Variants in AKIRIN1 observed in about 807,000 individuals in gnomAD.
AKIRIN1 encodes akirin 1.
AKIRIN1 carries 4 observed loss-of-function variants against 25.9 expected under a neutral mutation model. That is an observed-to-expected ratio of 0.15 (90% CI 0.08 to 0.35). AKIRIN1 has a LOEUF of 0.35. Ranked by LOEUF, AKIRIN1 falls within the 10% of genes least tolerant of loss-of-function variation. The pLI is 1.00. For missense variants in AKIRIN1, 243 were observed against 266.1 expected (o/e 0.91, Z 0.61); for synonymous variants, 125 against 105.1 (o/e 1.19, Z -1.16).
chr1:39,003,975 A>G, intron 4 of AKIRIN1, 70 bp from the exon 5 acceptor site: 1 of 1,413,926 alleles, frequency 7.1e-7, no homozygotes, highest in Non-Finnish European at 9.9e-7. Flanking sequence ...CTGTTAGTGA[A>G]AATTTTTAAA....
At position 39,004,129 on chromosome 1, in the gene AKIRIN1, A is replaced by G. The variant is rs767272913; in HGVS notation, c.*74A>G. 6.7e-7 allele frequency: 1 copy of G among 1,501,558 alleles called. No individual in the cohort carries two copies. The highest frequency in any genetic ancestry group is 9.3e-7 in the Non-Finnish European group (1 of 1,077,714). The allele number at this position is 1,501,558 out of a possible 1,614,324, so 93.0% of individuals were successfully genotyped here. A position where few individuals can be genotyped will look rare whatever the true frequency, so the allele number is the denominator to read the frequency against. On this transcript the variant is annotated 3_prime_UTR_variant, in exon 5 of 5. Coordinates refer to ENST00000432648, the MANE Select transcript of AKIRIN1 (RefSeq NM_024595.3). ...CTGTACACTTTTTGCAACTGGTTTG[A>G]TGTCACATTTCAGCTCCAACTTTGC... is the stretch of plus-strand genomic sequence containing the variant.
intron 1 of AKIRIN1, among the ~76,000 whole-genome samples, chr1:38,997,449 C>T (rs1434836937): frequency 6.6e-6 from 1 of 152,198 alleles, no homozygotes; most frequent in African/African-American, 2.4e-5. Flanking sequence ...GGTCGATGTC[C>T]ACACTGTAAA....
rs994185484 is a variant in AKIRIN1, at chr1:39,005,758, C to T, written c.*1703C>T. 2.0e-5 allele frequency: 3 copies of T among 152,106 alleles called. No homozygotes were observed. The highest frequency in any genetic ancestry group is 4.4e-5 in the Non-Finnish European group (3 of 68,014). The allele number at this position is 152,106 out of a possible 1,614,324, so 9.4% of individuals were successfully genotyped here. A position where few individuals can be genotyped will look rare whatever the true frequency, so the allele number is the denominator to read the frequency against. ...GAGAAATTTCTGGAATATTCACATTCGAAGATTCCTTATTAATGAATGTCT... is the reference window on the plus strand; with the variant it reads ...GAGAAATTTCTGGAATATTCACATTTGAAGATTCCTTATTAATGAATGTCT... On this transcript the variant is annotated 3_prime_UTR_variant, in exon 5 of 5. Coordinates refer to ENST00000432648, the MANE Select transcript of AKIRIN1 (RefSeq NM_024595.3).
intron 2 of AKIRIN1, among the ~76,000 whole-genome samples, chr1:38,998,626 G>A (rs919195478): frequency 7.2e-5 from 11 of 152,016 alleles, no homozygotes; most frequent in Admixed American, 6.6e-4. Flanking sequence ...AATTTTGGCC[G>A]GCTGAGGTGG....
At chr1:38,991,673 TTG>T in intron 1 of AKIRIN1, 73 bp downstream of exon 1, 1 of 269,416 alleles carries the variant, frequency 3.7e-6, no homozygotes, top group Non-Finnish European at 6.1e-6. Flanking sequence ...TGGGGGAGGG[TTG>T]GGAATACCAG....
rs72660031 is a variant in AKIRIN1, at chr1:38,997,289, C to T, written c.221-882C>T. On this transcript the variant is annotated intron_variant, in intron 1 of 4. Coordinates refer to ENST00000432648, the MANE Select transcript of AKIRIN1 (RefSeq NM_024595.3). The stretch of plus-strand genomic sequence containing the variant: ...TCAAGGTGGTTAGTAATTTGTGTTT[C>T]CTGGGCTCCCTTTAATAGTGTTAGC... 7.9e-5 allele frequency among the ~76,000 whole-genome samples: 12 copies of T among 152,152 alleles called. No homozygotes were observed. The Middle Eastern group carries it at 0.01, about 129-fold the overall frequency.
chr1:39,000,902 C>T, intron 2 of AKIRIN1, 70 bp from the exon 3 acceptor site: 4 of 1,495,958 alleles, frequency 2.7e-6, no homozygotes, highest in Non-Finnish European at 1.8e-6. Flanking sequence ...CTGCCTTGGC[C>T]TCCCAAAGTG....
chr1:38,998,353 T>C (rs1443526016), intron 2 of AKIRIN1, 42 bp downstream of exon 2: 4 of 1,557,906 alleles, frequency 2.6e-6, no homozygotes, highest in Non-Finnish European at 3.5e-6. Context: ...TAAGAGTTTG[T>C]AAATGGTACT....
At chr1:39,003,169 G>C (rs1487651342) in intron 3 of AKIRIN1, among the ~76,000 whole-genome samples, 178 bp from the exon 4 acceptor site, 1 of 152,182 alleles carries the variant, frequency 6.6e-6, no homozygotes, top group Non-Finnish European at 1.5e-5. Context: ...TGGGTTCTAA[G>C]AGGAACAGAT....
rs1199073081 is a variant in AKIRIN1, at chr1:39,003,336, T to C, written c.497-11T>C. The C allele has an allele frequency of 6.2e-6, 10 of 1,613,212 alleles. No individual in the cohort carries two copies. Among genetic ancestry groups the C allele is most frequent in the Non-Finnish European group, 7.6e-6 (9 of 1,179,522 alleles). On this transcript the variant is annotated splice_polypyrimidine_tract_variant and intron_variant, in intron 3 of 4. Coordinates refer to ENST00000432648, the MANE Select transcript of AKIRIN1 (RefSeq NM_024595.3). ...AGTTGCTGAGGATAAGTATGTACTG[T>C]CTTCTCACAGAACAATATGAATCTT...
chr1:38,998,009 C>G (rs535305473), intron 1 of AKIRIN1, among the ~76,000 whole-genome samples, 162 bp from the exon 2 acceptor site: 5 of 152,070 alleles, frequency 3.3e-5, no homozygotes, highest in Admixed American at 6.6e-5. Flanking sequence ...ACGGTATAAA[C>G]GTTTTGCTTG....
rs1347770852 is a variant in AKIRIN1, at chr1:39,004,152, T to C, written c.*97T>C. The C allele has an allele frequency of 1.9e-5, 26 of 1,357,148 alleles. No individual in the cohort carries two copies. Among genetic ancestry groups the C allele is most frequent in the Non-Finnish European group, 2.6e-5 (25 of 946,486 alleles). The allele number at this position is 1,357,148 out of a possible 1,614,324, so 84.1% of individuals were successfully genotyped here. On this transcript the variant is annotated 3_prime_UTR_variant, in exon 5 of 5. Coordinates refer to ENST00000432648, the MANE Select transcript of AKIRIN1 (RefSeq NM_024595.3). ...TGATGTCACATTTCAGCTCCAACTT[T>C]GCATCCTGAGAACACTTAAACGTTT...
chr1:38,998,099 T>A, intron 1 of AKIRIN1, 72 bp from the exon 2 acceptor site: 1 of 1,496,294 alleles, frequency 6.7e-7, no homozygotes, highest in Non-Finnish European at 9.0e-7. Flanking sequence ...CTTTGTCTCT[T>A]CCCACTTCTG....
At chr1:39,000,569 C>T (rs1039933317) in intron 2 of AKIRIN1, among the ~76,000 whole-genome samples, 18 of 151,466 alleles carry the variant, frequency 1.2e-4, no homozygotes, top group African/African-American at 4.1e-4. Flanking sequence ...AGGCTGGTCC[C>T]GAACTCCCAA....
At position 38,991,540 on chromosome 1, in the gene AKIRIN1, C is replaced by G; in HGVS notation, c.160C>G (p.Pro54Ala). ...GCCGCCGCCGTTTCAGACGCAGACC[C>G]CACCGCAGAGTCTGCAGCAGCCCGC... Reference protein sequence around the residue: ...EPPPPFQTQTPPQSLQQPAPP... With the variant: ...EPPPPFQTQTAPQSLQQPAPP... Residue 54 changes from proline to alanine, a missense_variant, in exon 1 of 5, where the codon CCA (proline) becomes GCA (alanine). Pro to Ala is a conservative substitution (Grantham distance 27). Transcript: ENST00000432648. 1 of 1,457,050 alleles carries G rather than the reference C, an allele frequency of 6.9e-7. No homozygotes were observed. Among genetic ancestry groups the G allele is most frequent in the Non-Finnish European group, 9.0e-7 (1 of 1,109,444 alleles). 90.3% of individuals were successfully genotyped at this position (1,457,050 alleles called of 1,614,324 possible).
intron 2 of AKIRIN1, among the ~76,000 whole-genome samples, chr1:38,999,933 A>C (rs1226616577): frequency 6.6e-6 from 1 of 151,476 alleles, no homozygotes; most frequent in Non-Finnish European, 1.5e-5. Flanking sequence ...CCCAGGCTGG[A>C]GTGCAGTGGC....
At chr1:38,995,798 C>T (rs1250263685) in intron 1 of AKIRIN1, among the ~76,000 whole-genome samples, 4 of 152,126 alleles carry the variant, frequency 2.6e-5, no homozygotes, top group Admixed American at 6.6e-5. Context: ...TTTGGGAGGC[C>T]GAGGCGGGCG....
In AKIRIN1 at chr1:39,001,057, A is replaced by G. The variant is rs201603568; in HGVS notation, c.447A>G (p.Glu149=). 8.1e-6 allele frequency: 13 copies of G among 1,613,936 alleles called. No homozygotes were observed. The highest frequency in any genetic ancestry group is 9.3e-6 in the Non-Finnish European group (11 of 1,179,978). ...GTGAGCGCCTCTTAAAAGACTATGA[A>G]GATAAAATTCGGGAGGAGTATGAGC... The part of the protein sequence containing the change: ...IICERLLKDY[E]DKIREEYEQI... Residue 149 remains glutamate (E), a synonymous_variant, in exon 3 of 5, where the codon GAA becomes GAG. Coordinates refer to ENST00000432648, the MANE Select transcript of AKIRIN1 (RefSeq NM_024595.3).
At chr1:38,994,599 A>G (rs1282302932) in intron 1 of AKIRIN1, among the ~76,000 whole-genome samples, 2 of 147,862 alleles carry the variant, frequency 1.4e-5, no homozygotes, top group Non-Finnish European at 3.0e-5. Flanking sequence ...GCCGTCTCCC[A>G]TGTTCAAGCG....
Sources: gnomAD v4.1 joint callset for allele counts (sites outside exome capture counted in the v4.1 genomes callset) on GRCh38, gnomAD v4.1.1 for gene constraint, MANE v1.5 for transcripts, NCBI Gene and HGNC (gene_info 2026-07-23, HGNC 2026-07-21) for gene names.